MTTP: variants seen among roughly 807,000 people sequenced by gnomAD.
MTTP encodes microsomal triglyceride transfer protein large subunit.
MTTP carries 49 observed loss-of-function variants against 90.6 expected under a neutral mutation model. That is an observed-to-expected ratio of 0.54 (90% CI 0.43 to 0.69). The LOEUF (loss-of-function observed/expected upper bound fraction) is 0.69. Among genes scored for constraint, MTTP ranks in the 30% least tolerant of loss-of-function variants. MTTP has a pLI of 0.00. For missense variants in MTTP, 945 were observed against 1,067.5 expected (o/e 0.89, Z 1.60); for synonymous variants, 347 against 384.2 (o/e 0.90, Z 1.13).
chr4:99,606,608 C>T, intron 10 of MTTP, 140 bp from the exon 11 acceptor site: 1 of 783,950 alleles, frequency 1.3e-6, no homozygotes, highest in Non-Finnish European at 2.2e-6. Flanking sequence ...TTTTATTCCA[C>T]TGTGTGCCTC....
At chr4:99,576,124 C>T (rs1014429349) in intron 1 of MTTP, among the ~76,000 whole-genome samples, 1 of 152,120 alleles carries the variant, frequency 6.6e-6, no homozygotes, top group Admixed American at 6.5e-5. Flanking sequence ...ACTATTTAAA[C>T]ATACAGTTCT....
chr4:99,567,306 C>T (rs1360732309), intron 1 of MTTP, among the ~76,000 whole-genome samples: 2 of 151,832 alleles, frequency 1.3e-5, no homozygotes, highest in African/African-American at 4.8e-5. Flanking sequence ...TAACAAAATC[C>T]CAGAAGATAG....
At chr4:99,620,620 A>G (rs749050100) in intron 16 of MTTP, among the ~76,000 whole-genome samples, 9 of 152,250 alleles carry the variant, frequency 5.9e-5, no homozygotes, top group Non-Finnish European at 1.3e-4. Context: ...GAATTAAAAT[A>G]GCTGCCTAGA....
chr4:99,591,833 T>C (rs1327490096), intron 6 of MTTP, 43 bp downstream of exon 6: 2 of 1,482,614 alleles, frequency 1.3e-6, no homozygotes, highest in East Asian at 4.8e-5. Flanking sequence ...CTATTCTTTG[T>C]TATATTATTA....
chr4:99,565,804 A>G (rs1578224131), intron 1 of MTTP, among the ~76,000 whole-genome samples: 1 of 152,324 alleles, frequency 6.6e-6, no homozygotes, highest in African/African-American at 2.4e-5. Flanking sequence ...GTGTCAGAAA[A>G]GTGAAGAAGT....
intron 10 of MTTP, among the ~76,000 whole-genome samples, chr4:99,606,155 A>C (rs1476413274): frequency 6.6e-6 from 1 of 152,118 alleles, no homozygotes; most frequent in Non-Finnish European, 1.5e-5. Context: ...TTTTTCTCAG[A>C]CTAGGACAAA....
chr4:99,598,022 T>C (rs553326521), intron 8 of MTTP, among the ~76,000 whole-genome samples: 30 of 152,264 alleles, frequency 2.0e-4, no homozygotes, highest in South Asian at 6.2e-4. Context: ...CACACAGCAG[T>C]AGCAGTCACT....
chr4:99,622,658 T>G lies in MTTP; in HGVS notation c.2514-19T>G. On this transcript the variant is annotated intron_variant, in intron 17 of 17. Coordinates refer to ENST00000265517, the MANE Select transcript of MTTP (RefSeq NM_001386140.1). ...TTAACTGTGTGTGTAATTCTGTTATTGTTGCTGTTGTTGTACAGGCAATTT... is the reference window on the plus strand; with the variant it reads ...TTAACTGTGTGTGTAATTCTGTTATGGTTGCTGTTGTTGTACAGGCAATTT... The G allele has an allele frequency of 6.2e-7, 1 of 1,613,242 alleles. No individual in the cohort carries two copies. Among genetic ancestry groups the G allele is most frequent in the African/African-American group, 1.3e-5 (1 of 75,012 alleles).
chr4:99,574,835 G>C lies in MTTP; in HGVS notation c.-75G>C. The C allele has an allele frequency of 6.2e-7, 1 of 1,613,838 alleles. No individual in the cohort carries two copies. The highest frequency in any genetic ancestry group is 8.5e-7 in the Non-Finnish European group (1 of 1,179,832). On this transcript the variant is annotated 5_prime_UTR_variant, in exon 1 of 18. Transcript: ENST00000265517. ...TTCTGAAGAGGGTCACTCCCTCACT[G>C]GCTGCCATTGAAAGAGTCCACTTCT... is the stretch of plus-strand genomic sequence containing the variant.
chr4:99,579,626 C>G (rs1228742337), intron 1 of MTTP, among the ~76,000 whole-genome samples: 2 of 152,148 alleles, frequency 1.3e-5, no homozygotes, highest in Non-Finnish European at 2.9e-5. Flanking sequence ...TACTATATAA[C>G]TTGCTTATGT....
rs532607618 is a variant in MTTP, at chr4:99,578,945, A to G, written c.62-2960A>G. Among the ~76,000 whole-genome samples the G allele has an allele frequency of 3.4e-3, 515 of 152,274 alleles. 5 individuals are homozygous for G. The highest frequency in any genetic ancestry group is 0.011 in the Admixed American group (161 of 15,294). On this transcript the variant is annotated intron_variant, in intron 1 of 17. Transcript: ENST00000265517. ...GGTGTCATAAAAAGAAGGCCTCCTG[A>G]CCGAAATATTTTTCCTGACCAGAAA...
chr4:99,580,741 A>ACT (rs1188746541), intron 1 of MTTP, among the ~76,000 whole-genome samples: 2 of 152,244 alleles, frequency 1.3e-5, no homozygotes, highest in African/African-American at 4.8e-5. Context: ...TAAATAAGTT[A>ACT]ATACATGTAA....
Position 99,619,069 on chromosome 4 carries a change from T to C in MTTP, c.2313T>C (p.Tyr771=), listed in dbSNP as rs1578257313. The C allele has an allele frequency of 3.1e-6, 5 of 1,613,668 alleles. No individual in the cohort carries two copies. The highest frequency in any genetic ancestry group is 4.2e-6 in the Non-Finnish European group (5 of 1,179,624). ...GTGCAATGGAGTTTAGCTTGTGGTA[T>C]CGTGAGTCTAAAACCCGAGTGAAAA... ...ISGAMEFSLW[Y]RESKTRVKNR... The change falls in exon 16 of 18, where the codon TAT becomes TAC. Residue 771 remains tyrosine (Y), a synonymous_variant. Transcript: ENST00000265517.
At chr4:99,607,486 A>G (rs1725845063) in intron 11 of MTTP, among the ~76,000 whole-genome samples, 1 of 152,164 alleles carries the variant, frequency 6.6e-6, no homozygotes, top group African/African-American at 2.4e-5. Context: ...GGCTTTTGAG[A>G]AAGACAGACC....
Position 99,610,849 on chromosome 4 carries a change from G to T in MTTP, c.1770-294G>T, listed in dbSNP as rs147217770. 1.5e-3 allele frequency among the ~76,000 whole-genome samples: 227 copies of T among 152,278 alleles called. 4 individuals carry two copies. In the Middle Eastern group the frequency reaches 0.024, roughly 16 times the overall value. ...AACAATAAAACCATGACGAATCAAA[G>T]AATTTTGCCATGCCTGAAATGTGTC... On this transcript the variant is annotated intron_variant, in intron 12 of 17. Transcript: ENST00000265517.
rs1726300106 is a variant in MTTP, at chr4:99,623,641, G to C, written c.*793G>C. The C allele has an allele frequency of 6.6e-6, 1 of 152,234 alleles. No individual in the cohort carries two copies. Among genetic ancestry groups the C allele is most frequent in the Non-Finnish European group, 1.5e-5 (1 of 68,088 alleles). The allele number at this position is 152,234 out of a possible 1,614,324, so 9.4% of individuals were successfully genotyped here. A position where few individuals can be genotyped will look rare whatever the true frequency, so the allele number is the denominator to read the frequency against. On this transcript the variant is annotated 3_prime_UTR_variant, in exon 18 of 18. Coordinates refer to ENST00000265517, the MANE Select transcript of MTTP (RefSeq NM_001386140.1). ...TTTTGAGACTGTAATATGGTACACT[G>C]TCCTCTAAGGGACATCCTCATTTTA...
In MTTP at chr4:99,611,338, C is replaced by T. The variant is rs146045390; in HGVS notation, c.1874C>T (p.Pro625Leu). 7.1e-5 allele frequency: 115 copies of T among 1,613,946 alleles called. No homozygotes were observed. In the African/African-American group the frequency reaches 1.4e-3, roughly 19 times the overall value. Residue 625 changes from proline (P) to leucine (L), a missense_variant, in exon 14 of 18, where the codon CCC becomes CTC. Coordinates refer to ENST00000265517, the MANE Select transcript of MTTP (RefSeq NM_001386140.1). ...AGTTATTGTGTGTCATCAGGTAGTC[C>T]CCGTTCGGCATCTACTTACAGCCTA... ...SAYTGYIERSPRSASTYSLDI... is the reference protein window; with the variant it reads ...SAYTGYIERSLRSASTYSLDI...
At chr4:99,590,519 A>G (rs1332543576) in intron 4 of MTTP, among the ~76,000 whole-genome samples, 1 of 152,218 alleles carries the variant, frequency 6.6e-6, no homozygotes. Context: ...ATCTTCCAGT[A>G]TCATACCTGG....
At chr4:99,614,288 T>C (rs1426964016) in intron 15 of MTTP, among the ~76,000 whole-genome samples, 1 of 152,200 alleles carries the variant, frequency 6.6e-6, no homozygotes, top group African/African-American at 2.4e-5. Context: ...TCAGCTTTTT[T>C]GTTTGCCAGA....
Sources: allele counts gnomAD v4.1 joint callset (sites outside exome capture counted in the v4.1 genomes callset), GRCh38; gene constraint gnomAD v4.1.1; transcripts MANE v1.5; gene names NCBI Gene and HGNC (gene_info 2026-07-23, HGNC 2026-07-21).